TAF1B: variants seen among roughly 807,000 people sequenced by gnomAD.
TAF1B encodes TATA-box binding protein associated factor, RNA polymerase I subunit B.
A neutral mutation model predicts 83.9 loss-of-function variants in TAF1B; 61 were observed. The observed-to-expected ratio is 0.73, with a 90% CI of 0.59 to 0.90. The LOEUF (loss-of-function observed/expected upper bound fraction) is 0.90, where lower values mean the gene tolerates loss of function less well. Among genes scored for constraint, TAF1B ranks in the 40% least tolerant of loss-of-function variants. The pLI is 0.00. For missense variants in TAF1B, 625 were observed against 677.0 expected (o/e 0.92, Z 0.85); for synonymous variants, 221 against 224.6 (o/e 0.98, Z 0.14).
chr2:9,927,818 G>T (rs1389429111), intron 14 of TAF1B, among the ~76,000 whole-genome samples: 1 of 152,146 alleles, frequency 6.6e-6, no homozygotes, highest in Non-Finnish European at 1.5e-5. Context: ...TCTGTAAGTT[G>T]TTCACTCTGA....
At chr2:9,900,642 G>T (rs190743459) in intron 8 of TAF1B, among the ~76,000 whole-genome samples, 2 of 152,308 alleles carry the variant, frequency 1.3e-5, no homozygotes, top group African/African-American at 4.8e-5. Context: ...CGGGTCTGGG[G>T]TAGAGTTGTT....
intron 9 of TAF1B, among the ~76,000 whole-genome samples, chr2:9,908,661 A>G (rs558738095): frequency 6.6e-6 from 1 of 152,260 alleles, no homozygotes; most frequent in African/African-American, 2.4e-5. Context: ...TCTATCTCCT[A>G]ATCTTTTTGC....
In TAF1B at chr2:9,901,849, A is replaced by G. The variant is rs561391675; in HGVS notation, c.808-3010A>G. ...AAATTCACAGATTAAAATACAATTA[A>G]TAGTATTTTAGTGTACAAGTAGAAT... On this transcript the variant is annotated intron_variant, in intron 8 of 14. Coordinates refer to ENST00000263663, the MANE Select transcript of TAF1B (RefSeq NM_005680.3). Among the ~76,000 whole-genome samples the G allele has an allele frequency of 1.1e-4, 16 of 152,312 alleles. No homozygotes were observed. In the East Asian group the frequency reaches 1.5e-3, roughly 15 times the overall value.
In TAF1B at chr2:9,851,650, T is replaced by C; in HGVS notation, c.303+12T>C. ...GCCCAGAGTTAAAGGTAAGTACATT[T>C]GTGACTAGATGTTAGCTTTACATAT... On this transcript the variant is annotated intron_variant, in intron 4 of 14. Coordinates refer to ENST00000263663, the MANE Select transcript of TAF1B (RefSeq NM_005680.3). 1 of 1,586,866 alleles carries C rather than the reference T, an allele frequency of 6.3e-7. No individual in the cohort carries two copies. The highest frequency in any genetic ancestry group is 8.6e-7 in the Non-Finnish European group (1 of 1,165,088).
At chr2:9,856,877 A>C (rs1663582394) in intron 5 of TAF1B, among the ~76,000 whole-genome samples, 1 of 152,224 alleles carries the variant, frequency 6.6e-6, no homozygotes, top group Admixed American at 6.5e-5. Flanking sequence ...AAGGAAATGG[A>C]AACAATTACT....
chr2:9,845,282 C>T lies in TAF1B; in HGVS notation c.81C>T (p.Gly27=). ...AAVSWGLTDE[G]KYYCTSCHNV... ...TCTCATGGGGTCTTACTGATGAAGG[C>T]AAATATTATTGCACTTCTTGCCACA... The change falls in exon 2 of 15, where the codon GGC becomes GGT. Residue 27 remains glycine (G), a synonymous_variant. Transcript: ENST00000263663. 2 of 1,613,794 alleles carry T rather than the reference C, an allele frequency of 1.2e-6. No homozygotes were observed. The highest frequency in any genetic ancestry group is 1.7e-6 in the Non-Finnish European group (2 of 1,179,800).
chr2:9,916,834 G>GTTGTTTTTTTTTTTTTT (rs1572282272), intron 12 of TAF1B, among the ~76,000 whole-genome samples: 2 of 44,846 alleles, frequency 4.5e-5, no homozygotes, highest in African/African-American at 9.1e-5. Flanking sequence ...TTTCCTTTCT[G>GTTGTTTTTTTTTTTTTT]TTCTTTTTTT....
In TAF1B at chr2:9,851,918, G is replaced by A. The variant is rs540629380; in HGVS notation, c.303+280G>A. 3 of 565,918 alleles carry A rather than the reference G, an allele frequency of 5.3e-6. No individual in the cohort carries two copies. In the African/African-American group the frequency reaches 5.6e-5, roughly 11 times the overall value. 35.1% of individuals were successfully genotyped at this position (565,918 alleles called of 1,614,324 possible). Reference sequence around the variant, plus strand: ...AACAAAGTAAAACTCAAATAACTTTGGGGGTTTATTAGTACCTTTTGTGTG... The same window carrying A: ...AACAAAGTAAAACTCAAATAACTTTAGGGGTTTATTAGTACCTTTTGTGTG... On this transcript the variant is annotated intron_variant, in intron 4 of 14. Coordinates refer to ENST00000263663, the MANE Select transcript of TAF1B (RefSeq NM_005680.3).
rs572551553 is a variant in TAF1B, at chr2:9,851,426, T to TA, written c.206-115_206-114insA. Reference sequence around the variant, plus strand: ...CTAAGCTGCTAAGTTCTGGGTTAATTGAAAAAAAAAGAAAAATTCAAGTCG... The same window carrying TA: ...CTAAGCTGCTAAGTTCTGGGTTAATTAGAAAAAAAAAGAAAAATTCAAGTCG... On this transcript the variant is annotated intron_variant, in intron 3 of 14. Transcript: ENST00000263663. 8.3e-3 allele frequency: 5,395 copies of TA among 650,766 alleles called. 1 individual carries two copies. The highest frequency in any genetic ancestry group is 0.012 in the Middle Eastern group (25 of 2,058). The allele number at this position is 650,766 out of a possible 1,614,324, so 40.3% of individuals were successfully genotyped here.
Position 9,934,036 on chromosome 2 carries a change from T to C in TAF1B, c.*52T>C, listed in dbSNP as rs903000742. On this transcript the variant is annotated 3_prime_UTR_variant, in exon 15 of 15. Coordinates refer to ENST00000263663, the MANE Select transcript of TAF1B (RefSeq NM_005680.3). Reference sequence around the variant, plus strand: ...AAATATTTTAATAGTGATAATAACATCAGATTTTAATATAACATTCCAGAG... The same window carrying C: ...AAATATTTTAATAGTGATAATAACACCAGATTTTAATATAACATTCCAGAG... 1.2e-5 allele frequency: 17 copies of C among 1,374,454 alleles called. No homozygotes were observed. Among genetic ancestry groups the C allele is most frequent in the Non-Finnish European group, 1.6e-5 (16 of 1,007,722 alleles). 85.1% of individuals were successfully genotyped at this position (1,374,454 alleles called of 1,614,324 possible).
chr2:9,878,315 A>G (rs1558245758), intron 7 of TAF1B, among the ~76,000 whole-genome samples: 1 of 151,820 alleles, frequency 6.6e-6, no homozygotes, highest in Non-Finnish European at 1.5e-5. Flanking sequence ...GCCTCAAGCA[A>G]GCCTCCTACC....
intron 14 of TAF1B, among the ~76,000 whole-genome samples, chr2:9,923,103 T>C (rs1346383096): frequency 6.6e-6 from 1 of 151,608 alleles, no homozygotes; most frequent in East Asian, 1.9e-4. Context: ...ATTAGCCGGG[T>C]GTGGTGGTGC....
chr2:9,852,627 GA>G (rs1663432582), intron 4 of TAF1B, among the ~76,000 whole-genome samples: 1 of 152,110 alleles, frequency 6.6e-6, no homozygotes, highest in African/African-American at 2.4e-5. Context: ...GAGTAGCTGG[GA>G]CTACAGGCAC....
rs537138947 is a variant in TAF1B, at chr2:9,870,862, GT to G, written c.553+2435del. Among the ~76,000 whole-genome samples the G allele has an allele frequency of 5.3e-5, 8 of 152,256 alleles. No homozygotes were observed. The South Asian group carries it at 1.7e-3, about 32-fold the overall frequency. ...CTGTATATCCTGTGGTTTTCTTGGAGTTGATAATTGTTATTTATTTAGTTTT... is the reference window on the plus strand; with the variant it reads ...CTGTATATCCTGTGGTTTTCTTGGAGTGATAATTGTTATTTATTTAGTTTT... On this transcript the variant is annotated intron_variant, in intron 6 of 14. Transcript: ENST00000263663.
chr2:9,916,974 G>A (rs1665702330), intron 12 of TAF1B, among the ~76,000 whole-genome samples: 1 of 151,330 alleles, frequency 6.6e-6, no homozygotes, highest in East Asian at 1.9e-4. Flanking sequence ...AGCCTCCCAA[G>A]TAGCTGAGAT....
At chr2:9,867,769 T>C (rs2125145898) in intron 5 of TAF1B, among the ~76,000 whole-genome samples, 1 of 152,230 alleles carries the variant, frequency 6.6e-6, no homozygotes, top group African/African-American at 2.4e-5. Flanking sequence ...ATGTTACAAA[T>C]CGTATATGCT....
At chr2:9,887,691 G>A (rs1664722724) in intron 8 of TAF1B, among the ~76,000 whole-genome samples, 1 of 151,908 alleles carries the variant, frequency 6.6e-6, no homozygotes, top group African/African-American at 2.4e-5. Flanking sequence ...GATAATCTCT[G>A]CCTTTTAATT....
At chr2:9,889,791 T>C (rs1221987743) in intron 8 of TAF1B, among the ~76,000 whole-genome samples, 1 of 152,196 alleles carries the variant, frequency 6.6e-6, no homozygotes, top group Non-Finnish European at 1.5e-5. Flanking sequence ...AGTCCCTTTT[T>C]TTCTGGGACT....
chr2:9,885,743 G>GC (rs58213359), intron 8 of TAF1B, among the ~76,000 whole-genome samples: 4,246 of 142,604 alleles, frequency 0.03, 161 homozygotes, highest in African/African-American at 0.091. Context: ...TTCTCCCCAC[G>GC]CCCCCCCCCA....
Sources: allele counts gnomAD v4.1 joint callset (sites outside exome capture counted in the v4.1 genomes callset), GRCh38; gene constraint gnomAD v4.1.1; transcripts MANE v1.5; gene names NCBI Gene and HGNC (gene_info 2026-07-23, HGNC 2026-07-21).